Variants in KAZN observed in about 807,000 individuals in gnomAD.
KAZN encodes the protein kazrin, periplakin interacting protein.
KAZN carries 40 observed loss-of-function variants against 87.4 expected under a neutral mutation model. That is an observed-to-expected ratio of 0.46 (90% CI 0.36 to 0.60). KAZN has a LOEUF of 0.60. Ranked by LOEUF, KAZN falls within the 20% of genes least tolerant of loss-of-function variation. KAZN has a pLI of 0.00. For missense variants in KAZN, 898 were observed against 1,073.9 expected, an observed-to-expected ratio of 0.84 and a Z score of 2.29; for synonymous variants, 466 against 458.3, an observed-to-expected ratio of 1.02 and a Z score of -0.22.
At chr1:14,354,414 C>G (rs141928537) in intron 2 of KAZN, among the ~76,000 whole-genome samples, 10 of 152,014 alleles carry the variant, frequency 6.6e-5, no homozygotes, top group Admixed American at 6.6e-4. Flanking sequence ...GTGCCTACAT[C>G]CAACAAAGAA....
intron 1 of KAZN, among the ~76,000 whole-genome samples, chr1:13,962,349 G>A (rs897235493): frequency 6.6e-6 from 1 of 152,102 alleles, no homozygotes; most frequent in Non-Finnish European, 1.5e-5. Context: ...TGGTGGGGCT[G>A]ATTTTGGCCT....
intron 2 of KAZN, among the ~76,000 whole-genome samples, chr1:14,522,660 C>T (rs1400408930): frequency 1.3e-5 from 2 of 152,192 alleles, no homozygotes; most frequent in Non-Finnish European, 2.9e-5. Context: ...CAGTAGAATA[C>T]AGACAGTACC....
intron 2 of KAZN, among the ~76,000 whole-genome samples, chr1:14,388,710 A>G (rs139621620): frequency 7.8e-4 from 119 of 152,356 alleles, no homozygotes; most frequent in African/African-American, 2.8e-3. Context: ...AAGAAGAATT[A>G]CAGACTTAAA....
chr1:14,877,895 A>G (rs536955690), intron 1 of KAZN, among the ~76,000 whole-genome samples: 2 of 152,306 alleles, frequency 1.3e-5, no homozygotes, highest in Non-Finnish European at 2.9e-5. Flanking sequence ...CATGTCTTTT[A>G]TATACCAGGC....
At chr1:13,929,486 G>A (rs559032715) in intron 1 of KAZN, among the ~76,000 whole-genome samples, 3 of 152,228 alleles carry the variant, frequency 2.0e-5, no homozygotes, top group South Asian at 2.1e-4. Context: ...CCATCATTGC[G>A]ACACCTTCTT....
intron 2 of KAZN, among the ~76,000 whole-genome samples, chr1:14,437,446 C>G (rs1281591586): frequency 6.6e-6 from 1 of 152,204 alleles, no homozygotes; most frequent in East Asian, 1.9e-4. Flanking sequence ...TTATGCTGGA[C>G]AAAGAGAATT....
intron 1 of KAZN, among the ~76,000 whole-genome samples, chr1:14,681,655 ATATTTTTTTTTTT>A (rs1640651149): frequency 1.2e-4 from 1 of 8,680 alleles, no homozygotes; most frequent in African/African-American, 3.3e-4. Flanking sequence ...ATATATATAT[ATATTTTTTTTTTT>A]TTTTTTTTTT....
rs115402279 is a variant in KAZN, at chr1:15,037,054, A to G, written c.555+2169A>G. Reference sequence around the variant, plus strand: ...TCCCCCAACCCCATCACCCCCTGGCACTCAGCACAGCATCTTCTGGTCGCC... The same window carrying G: ...TCCCCCAACCCCATCACCCCCTGGCGCTCAGCACAGCATCTTCTGGTCGCC... On this transcript the variant is annotated intron_variant, in intron 3 of 14. Coordinates refer to ENST00000376030, the MANE Select transcript of KAZN (RefSeq NM_201628.3). Among the ~76,000 whole-genome samples the G allele has an allele frequency of 5.3e-3, 759 of 144,024 alleles. 9 individuals carry two copies. In the East Asian group the frequency reaches 0.068, roughly 13 times the overall value. 94.5% of individuals were successfully genotyped at this position (144,024 alleles called of 152,430 possible).
Position 13,921,363 on chromosome 1 carries a change from T to C in KAZN, c.91+27607T>C, listed in dbSNP as rs7529621. 8.8e-3 allele frequency among the ~76,000 whole-genome samples: 1,339 copies of C among 152,328 alleles called. 14 individuals are homozygous for C. Among genetic ancestry groups the C allele is most frequent in the East Asian group, 0.034 (177 of 5,176 alleles). On this transcript the variant is annotated intron_variant, in intron 1 of 16. Coordinates refer to the KAZN transcript ENST00000636203. Reference sequence around the variant, plus strand: ...GATGGTATCTGTCACAGTACTCAACTCTGTCATTGCAGTGTGAAAGTAGCC... The same window carrying C: ...GATGGTATCTGTCACAGTACTCAACCCTGTCATTGCAGTGTGAAAGTAGCC...
At chr1:14,316,826 A>G (rs1416600547) in intron 2 of KAZN, among the ~76,000 whole-genome samples, 1 of 151,900 alleles carries the variant, frequency 6.6e-6, no homozygotes, top group African/African-American at 2.4e-5. Flanking sequence ...ATTTCTAGTT[A>G]TCTGAGAATT....
In KAZN at chr1:14,965,630, G is replaced by A. The variant is rs61773643; in HGVS notation, c.418+4755G>A. Reference sequence around the variant, plus strand: ...TGGAGATACCATAATTTATTTAGCCGTTTCCCTATTATTAGACACTTAAGT... The same window carrying A: ...TGGAGATACCATAATTTATTTAGCCATTTCCCTATTATTAGACACTTAAGT... On this transcript the variant is annotated intron_variant, in intron 2 of 14. Transcript: ENST00000376030. Among the ~76,000 whole-genome samples, 422 of 152,244 alleles carry A rather than the reference G, an allele frequency of 2.8e-3. 2 individuals carry two copies. Among genetic ancestry groups the A allele is most frequent in the Middle Eastern group, 0.014 (4 of 294 alleles).
At chr1:14,992,338 C>A (rs1667436779) in intron 2 of KAZN, among the ~76,000 whole-genome samples, 1 of 152,210 alleles carries the variant, frequency 6.6e-6, no homozygotes, top group Admixed American at 6.5e-5. Context: ...ACCTCTAATG[C>A]CCAGGGAGCA....
intron 2 of KAZN, among the ~76,000 whole-genome samples, chr1:14,998,693 C>T (rs1159022549): frequency 1.3e-5 from 2 of 152,130 alleles, no homozygotes; most frequent in East Asian, 1.9e-4. Flanking sequence ...GGATTACAGG[C>T]GTGCACCACC....
At chr1:14,477,711 A>T (rs1263865814) in intron 2 of KAZN, among the ~76,000 whole-genome samples, 1 of 152,142 alleles carries the variant, frequency 6.6e-6, no homozygotes, top group Non-Finnish European at 1.5e-5. Flanking sequence ...CAAAGGGGAA[A>T]GAAGTGCCCT....
rs1273186425 is a variant in KAZN, at chr1:14,996,323, G to A, written c.418+35448G>A. On this transcript the variant is annotated intron_variant, in intron 2 of 14. Transcript: ENST00000376030. This position sits in a 1 kb window ranked among gnomAD's most constrained non-coding sequence, Gnocchi z 5.9. ...TCACACCTTCCCTTCTGTTCCCTCAGTCCCTTCTCCCTGGGTCCTGACACT... is the reference window on the plus strand; with the variant it reads ...TCACACCTTCCCTTCTGTTCCCTCAATCCCTTCTCCCTGGGTCCTGACACT... Among the ~76,000 whole-genome samples the A allele has an allele frequency of 6.6e-6, 1 of 152,034 alleles. No homozygotes were observed. The highest frequency in any genetic ancestry group is 2.4e-5 in the African/African-American group (1 of 41,408).
At chr1:14,007,627 G>A (rs916753829) in intron 1 of KAZN, among the ~76,000 whole-genome samples, 19 of 152,196 alleles carry the variant, frequency 1.2e-4, no homozygotes, top group Non-Finnish European at 2.4e-4. Flanking sequence ...CTATAGTCAC[G>A]TTTTTGCAGA....
intron 1 of KAZN, among the ~76,000 whole-genome samples, chr1:14,000,384 G>A (rs534918391): frequency 7.0e-4 from 106 of 152,266 alleles, no homozygotes; most frequent in African/African-American, 2.5e-3. Flanking sequence ...ATGGAAGGCT[G>A]GTTCAACATA....
chr1:14,202,834 T>C (rs973602832), intron 2 of KAZN, among the ~76,000 whole-genome samples: 1 of 151,962 alleles, frequency 6.6e-6, no homozygotes, highest in African/African-American at 2.4e-5. Flanking sequence ...CTGGCCAACA[T>C]GCCAAAATCC....
intron 2 of KAZN, among the ~76,000 whole-genome samples, chr1:14,250,679 CAT>C (rs201602886): frequency 0.013 from 1,923 of 151,918 alleles, 17 homozygotes; most frequent in South Asian, 0.025. Flanking sequence ...TTGAGTAAAA[CAT>C]AATGATTAGC....
Sources: gnomAD v4.1 joint callset for allele counts (sites outside exome capture counted in the v4.1 genomes callset) on GRCh38, gnomAD v4.1.1 for gene constraint, Gnocchi (gnomAD v3.1) non-coding constraint, MANE v1.5 for transcripts, NCBI Gene and HGNC (gene_info 2026-07-23, HGNC 2026-07-21) for gene names.